The following CUBN variants were observed in gnomAD, a reference collection of about 807,000 sequenced individuals.
CUBN encodes the protein cubilin, also known as 460 kDa receptor.
A neutral mutation model predicts 405.3 loss-of-function variants in CUBN; 282 were observed. That is an observed-to-expected ratio of 0.70 (90% CI 0.63 to 0.77). The LOEUF (loss-of-function observed/expected upper bound fraction) is 0.77. CUBN is among the 30% of genes least tolerant of loss of function. The probability of loss-of-function intolerance (pLI) is 0.00; values close to 1 mark genes in which losing one functional copy is unlikely to be tolerated. For synonymous variants in CUBN, 1,684 were observed against 1,617.0 expected (o/e 1.04, Z -0.99); for missense variants, 4,514 against 4,475.2 (o/e 1.01, Z -0.25).
chr10:16,979,137 G>T (rs1833188128), intron 31 of CUBN, among the ~76,000 whole-genome samples: 1 of 152,244 alleles, frequency 6.6e-6, no homozygotes, highest in South Asian at 2.1e-4. Flanking sequence ...ACTTACAAGG[G>T]ATGTGAAGGA....
intron 52 of CUBN, among the ~76,000 whole-genome samples, chr10:16,901,064 A>C (rs1054325954): frequency 6.6e-6 from 1 of 152,160 alleles, no homozygotes; most frequent in Non-Finnish European, 1.5e-5. Context: ...ATGGCAACAC[A>C]TATTAAGAAA....
At chr10:16,967,844 AGAGG>A (rs1165164020) in intron 31 of CUBN, among the ~76,000 whole-genome samples, 3 of 38,820 alleles carry the variant, frequency 7.7e-5, no homozygotes, top group East Asian at 9.9e-4. Flanking sequence ...AAGGAGAGAC[AGAGG>A]GAGAGAGAGA....
chr10:17,052,129 A>T (rs1193617751), intron 22 of CUBN, among the ~76,000 whole-genome samples: 1 of 152,228 alleles, frequency 6.6e-6, no homozygotes, highest in Non-Finnish European at 1.5e-5. Context: ...TGGAGGCAAG[A>T]AGAAAATGGA....
chr10:16,899,985 T>G (rs181065300), intron 53 of CUBN, among the ~76,000 whole-genome samples: 1 of 152,324 alleles, frequency 6.6e-6, no homozygotes, highest in Admixed American at 6.5e-5. Flanking sequence ...TTCTGAGAAT[T>G]TTCACAATGT....
intron 29 of CUBN, among the ~76,000 whole-genome samples, chr10:16,986,205 C>G (rs980836984): frequency 1.3e-5 from 2 of 152,216 alleles, no homozygotes; most frequent in African/African-American, 4.8e-5. Flanking sequence ...TGTACAGGCA[C>G]TCAGGACCAG....
At chr10:17,095,955 T>C (rs1482946488) in intron 14 of CUBN, among the ~76,000 whole-genome samples, 2 of 152,034 alleles carry the variant, frequency 1.3e-5, no homozygotes, top group Non-Finnish European at 2.9e-5. Context: ...TATTTATCCT[T>C]AAAAAGAAAA....
intron 65 of CUBN, among the ~76,000 whole-genome samples, chr10:16,830,336 C>T (rs747959307): frequency 7.9e-5 from 12 of 152,122 alleles, no homozygotes; most frequent in South Asian, 2.1e-4. Flanking sequence ...CTTTATAGAA[C>T]GCTTTTCTTA....
rs541681353 is a variant in CUBN at position 16,961,775 on chromosome 10, G to C, written c.4696-7227C>G. Among the ~76,000 whole-genome samples the C allele has an allele frequency of 5.9e-3, 763 of 129,124 alleles. 7 individuals are homozygous for C. Among genetic ancestry groups the C allele is most frequent in the African/African-American group, 0.022 (725 of 33,514 alleles). 84.7% of individuals were successfully genotyped at this position (129,124 alleles called of 152,430 possible). ...GGCCCAGGCTGGAGTGCAGTGGCGG[G>C]ATCTCGACTCACTGCAACCTCCGCC... On this transcript the variant is annotated intron_variant, in intron 31 of 66. Coordinates refer to ENST00000377833, the MANE Select transcript of CUBN (RefSeq NM_001081.4).
chr10:16,970,099 C>T (rs9633766), intron 31 of CUBN, among the ~76,000 whole-genome samples: 68,743 of 152,164 alleles, frequency 0.45, 15,958 homozygotes, highest in Non-Finnish European at 0.5. Context: ...GGGTGGTACA[C>T]GTCCAGAAAC....
intron 59 of CUBN, among the ~76,000 whole-genome samples, chr10:16,852,145 C>T (rs1839726510): frequency 7.6e-6 from 1 of 131,526 alleles, no homozygotes; most frequent in Non-Finnish European, 1.6e-5. Flanking sequence ...CTTTCCCTCC[C>T]TCACTCTATC....
rs925683880 is a variant in CUBN, at chr10:17,084,370, G to A, written c.2202C>T (p.Cys734=). The A allele has an allele frequency of 8.1e-6, 13 of 1,613,984 alleles. No homozygotes were observed. The highest frequency in any genetic ancestry group is 3.3e-5 in the South Asian group (3 of 91,084). The part of the protein sequence containing the change: ...LSGPFTHTRQ[C]VYMMKQPQGE... ...CCTGGGGCTGCTTCATCATATAGAC[G>A]CATTGCCTGGTGTGAGTGAAAGGCC... Residue 734 remains cysteine, a synonymous_variant, in exon 17 of 67, where the codon TGC becomes TGT. Coordinates refer to ENST00000377833, the MANE Select transcript of CUBN (RefSeq NM_001081.4).
chr10:16,909,584 GT>G (rs1397106145), intron 48 of CUBN, among the ~76,000 whole-genome samples: 1 of 152,182 alleles, frequency 6.6e-6, no homozygotes, highest in Non-Finnish European at 1.5e-5. Flanking sequence ...CAACCATAAG[GT>G]TAATGGGACA....
chr10:17,111,063 G>A lies in CUBN; in HGVS notation c.884-13C>T. 1 of 1,614,060 alleles carries A rather than the reference G, an allele frequency of 6.2e-7. No homozygotes were observed. Among genetic ancestry groups the A allele is most frequent in the Non-Finnish European group, 8.5e-7 (1 of 1,179,964 alleles). On this transcript the variant is annotated splice_polypyrimidine_tract_variant and intron_variant, in intron 8 of 66. Transcript: ENST00000377833. ...TTGCCTTGCCAGCCTAGGAAAACAA[G>A]AGGATTTAAAAGTTTAGCTCTATAG...
At chr10:17,052,126 A>G (rs772440922) in intron 22 of CUBN, among the ~76,000 whole-genome samples, 4 of 152,224 alleles carry the variant, frequency 2.6e-5, no homozygotes, top group Admixed American at 1.3e-4. Flanking sequence ...CAATGGAGGC[A>G]AGAAGAAAAT....
chr10:16,824,896 G>A lies in CUBN; in HGVS notation c.*79C>T, dbSNP rs1838728892. Reference sequence around the variant, plus strand: ...GCTTATTCTCTGTGGCATCAGCAGGGGTCATGTATCAGGATGGCAGAGTGC... The same window carrying A: ...GCTTATTCTCTGTGGCATCAGCAGGAGTCATGTATCAGGATGGCAGAGTGC... On this transcript the variant is annotated 3_prime_UTR_variant, in exon 67 of 67. Coordinates refer to ENST00000377833, the MANE Select transcript of CUBN (RefSeq NM_001081.4). 1 of 935,488 alleles carries A rather than the reference G, an allele frequency of 1.1e-6. No homozygotes were observed. Among genetic ancestry groups the A allele is most frequent in the African/African-American group, 1.6e-5 (1 of 61,948 alleles). 57.9% of individuals were successfully genotyped at this position (935,488 alleles called of 1,614,324 possible).
intron 60 of CUBN, among the ~76,000 whole-genome samples, chr10:16,850,377 T>G (rs1267623309): frequency 6.6e-6 from 1 of 152,226 alleles, no homozygotes; most frequent in Non-Finnish European, 1.5e-5. Context: ...ACTTAACACT[T>G]GTAATCTGAA....
intron 60 of CUBN, among the ~76,000 whole-genome samples, chr10:16,844,499 C>G (rs960961273): frequency 2.6e-5 from 4 of 152,156 alleles, no homozygotes; most frequent in African/African-American, 4.8e-5. Context: ...GGATCTGATC[C>G]TACGTGATGT....
intron 10 of CUBN, among the ~76,000 whole-genome samples, chr10:17,109,077 A>G (rs879787266): frequency 6.6e-6 from 1 of 152,238 alleles, no homozygotes; most frequent in Non-Finnish European, 1.5e-5. Flanking sequence ...GTATTTTTAT[A>G]CACTGTCGGT....
At chr10:17,088,397 T>C (rs550363606) in intron 14 of CUBN, 52 bp from the exon 15 acceptor site, 2 of 1,489,048 alleles carry the variant, frequency 1.3e-6, no homozygotes, top group East Asian at 2.3e-5. Flanking sequence ...CTATAATTTA[T>C]GGAGAATGAT....
Sources: allele counts gnomAD v4.1 joint callset (sites outside exome capture counted in the v4.1 genomes callset), GRCh38; gene constraint gnomAD v4.1.1; transcripts MANE v1.5; gene names NCBI Gene and HGNC (gene_info 2026-07-23, HGNC 2026-07-21).